Variants in GRHL3 observed in about 807,000 individuals in gnomAD.
GRHL3 encodes the protein grainyhead-like protein 3 homolog.
Under a neutral mutation model 70.3 loss-of-function variants are expected in GRHL3, and 20 were observed. That is an observed-to-expected ratio of 0.28 (90% CI 0.20 to 0.41). The LOEUF (loss-of-function observed/expected upper bound fraction) is 0.41, where lower values mean the gene tolerates loss of function less well. Among genes scored for constraint, GRHL3 ranks in the 10% least tolerant of loss-of-function variants. GRHL3 has a pLI of 1.00. For missense variants in GRHL3, 637 were observed against 762.3 expected, an observed-to-expected ratio of 0.84 and a Z score of 1.94; for synonymous variants, 299 against 299.9, an observed-to-expected ratio of 1.00 and a Z score of 0.03.
At chr1:24,325,759 G>A (rs1022357459) in intron 1 of GRHL3, among the ~76,000 whole-genome samples, 1 of 151,800 alleles carries the variant, frequency 6.6e-6, no homozygotes, top group East Asian at 2.0e-4. Context: ...CACTGGCCCC[G>A]GCAATTTGCA....
At chr1:24,331,101 C>T (rs113904710) in intron 1 of GRHL3, among the ~76,000 whole-genome samples, 57 of 152,224 alleles carry the variant, frequency 3.7e-4, no homozygotes, top group Admixed American at 8.5e-4. Context: ...ATTCATTACA[C>T]GAATTCTCTT....
At chr1:24,360,973 G>C (rs1569961621) in intron 15 of GRHL3, 2 of 1,613,970 alleles carry the variant, frequency 1.2e-6, no homozygotes, top group Non-Finnish European at 1.7e-6. Flanking sequence ...ATACTGACCA[G>C]GACCTGGGAA....
Position 24,334,847 on chromosome 1 carries a change from G to T in GRHL3, c.266+141G>T. ...AACACATTTTGGGATTCATGATAAT[G>T]TTTTCATTTATTTTAAAATTAAAAG... is the stretch of plus-strand genomic sequence containing the variant. On this transcript the variant is annotated intron_variant, in intron 3 of 15. Transcript: ENST00000361548. The surrounding 1 kb of genome is among the most constrained non-coding windows in gnomAD (Gnocchi z 4.3). The T allele has an allele frequency of 6.2e-6, 3 of 483,040 alleles. No individual in the cohort carries two copies. The highest frequency in any genetic ancestry group is 1.1e-5 in the Non-Finnish European group (3 of 276,042). 29.9% of individuals were successfully genotyped at this position (483,040 alleles called of 1,614,324 possible). A position where few individuals can be genotyped will look rare whatever the true frequency, so the allele number is the denominator to read the frequency against.
chr1:24,342,883 T>A lies in GRHL3; in HGVS notation c.1286-9T>A. 1.9e-6 allele frequency: 3 copies of A among 1,614,150 alleles called. No individual in the cohort carries two copies. Among genetic ancestry groups the A allele is most frequent in the Non-Finnish European group, 2.5e-6 (3 of 1,180,012 alleles). On this transcript the variant is annotated splice_polypyrimidine_tract_variant and intron_variant, in intron 10 of 15. Coordinates refer to ENST00000361548, the MANE Select transcript of GRHL3 (RefSeq NM_198173.3). The surrounding 1 kb of genome is among the most constrained non-coding windows in gnomAD (Gnocchi z 4.8). The stretch of plus-strand genomic sequence containing the variant: ...ACCTCGGGGCACATTGGCTTCCTTC[T>A]CCCATCAGGCGTCAAGGGCTGCCTG...
chr1:24,340,650 C>A (rs1639999673), intron 8 of GRHL3, among the ~76,000 whole-genome samples: 1 of 152,226 alleles, frequency 6.6e-6, no homozygotes, highest in African/African-American at 2.4e-5. Flanking sequence ...TCCAGCTCAT[C>A]TCAGGGGCAT....
intron 1 of GRHL3, among the ~76,000 whole-genome samples, chr1:24,330,840 T>C (rs1217556221): frequency 6.6e-6 from 1 of 152,256 alleles, no homozygotes; most frequent in Non-Finnish European, 1.5e-5. Context: ...CTCCAGTTCC[T>C]GGCTTCTGAG....
At chr1:24,338,408 G>A (rs1478672270) in intron 7 of GRHL3, among the ~76,000 whole-genome samples, 6 of 152,218 alleles carry the variant, frequency 3.9e-5, no homozygotes, top group African/African-American at 1.4e-4. Flanking sequence ...AAGATAAGGT[G>A]CAGGCAGCAG....
At chr1:24,319,645 G>A in intron 1 of GRHL3, 77 bp downstream of exon 1, 2 of 1,611,770 alleles carry the variant, frequency 1.2e-6, no homozygotes, top group South Asian at 1.1e-5. Flanking sequence ...GGGAAGAGCG[G>A]GGAGGCCGGC....
intron 1 of GRHL3, chr1:24,323,101 A>G: frequency 1.3e-6 from 2 of 1,542,312 alleles, no homozygotes; most frequent in Non-Finnish European, 1.8e-6. Flanking sequence ...GATGAATTCC[A>G]TTCTTCCTAT....
chr1:24,322,353 A>G lies in GRHL3; in HGVS notation c.17+2785A>G, dbSNP rs1639227718. On this transcript the variant is annotated intron_variant, in intron 1 of 15. Transcript: ENST00000361548. This position sits in a 1 kb window ranked among gnomAD's most constrained non-coding sequence, Gnocchi z 4.4. ...GCCGCCGCCGTTCTATCTGATCTCC[A>G]GGAGCGCCGGCTCCAGACTGCCTGG... is the stretch of plus-strand genomic sequence containing the variant. 6.6e-6 allele frequency among the ~76,000 whole-genome samples: 1 copy of G among 152,132 alleles called. No homozygotes were observed. The highest frequency in any genetic ancestry group is 1.5e-5 in the Non-Finnish European group (1 of 68,004).
chr1:24,345,409 AG>A (rs1429971527), intron 12 of GRHL3, among the ~76,000 whole-genome samples: 3 of 150,672 alleles, frequency 2.0e-5, no homozygotes, highest in Non-Finnish European at 4.4e-5. Flanking sequence ...GTGTGGGGCC[AG>A]AGGAGGAAGC....
At chr1:24,351,622 TC>T (rs987717309) in intron 15 of GRHL3, among the ~76,000 whole-genome samples, 1 of 100,004 alleles carries the variant, frequency 1.0e-5, no homozygotes, top group African/African-American at 3.9e-5. Context: ...GTGGCAGGCC[TC>T]CCTTACCAAT....
intron 7 of GRHL3, among the ~76,000 whole-genome samples, chr1:24,339,436 T>C (rs1318051403): frequency 1.3e-5 from 2 of 152,114 alleles, no homozygotes; most frequent in African/African-American, 4.8e-5. Flanking sequence ...CCTGCCACCA[T>C]GCCCAGCTAA....
At chr1:24,360,970 C>T (rs765501672) in intron 15 of GRHL3, 7 of 1,613,882 alleles carry the variant, frequency 4.3e-6, no homozygotes, top group South Asian at 3.3e-5. Context: ...CTCATACTGA[C>T]CAGGACCTGG....
chr1:24,332,657 A>G (rs115734817), intron 2 of GRHL3, among the ~76,000 whole-genome samples: 1 of 152,276 alleles, frequency 6.6e-6, no homozygotes, highest in African/African-American at 2.4e-5. Context: ...ACTTTCCTAG[A>G]TTGGGGGATG....
chr1:24,346,741 T>A, intron 13 of GRHL3, 100 bp downstream of exon 13: 1 of 870,140 alleles, frequency 1.1e-6, no homozygotes, highest in Non-Finnish European at 1.9e-6. Flanking sequence ...CACGAGGCGC[T>A]GCCTTACCCC....
In GRHL3 at chr1:24,334,601, C is replaced by A; in HGVS notation, c.205-44C>A. 1.3e-6 allele frequency: 2 copies of A among 1,531,704 alleles called. No individual in the cohort carries two copies. Among genetic ancestry groups the A allele is most frequent in the African/African-American group, 1.4e-5 (1 of 73,294 alleles). 94.9% of individuals were successfully genotyped at this position (1,531,704 alleles called of 1,614,324 possible). ...AGGAGGGGATTGAGGCTCCTACCAGCAGAAGCTTAGCCATGCATAAATCCT... is the reference window on the plus strand; with the variant it reads ...AGGAGGGGATTGAGGCTCCTACCAGAAGAAGCTTAGCCATGCATAAATCCT... On this transcript the variant is annotated intron_variant, in intron 2 of 15. Transcript: ENST00000361548. The surrounding 1 kb of genome is among the most constrained non-coding windows in gnomAD (Gnocchi z 4.3).
At chr1:24,328,274 A>T (rs1327105245) in intron 1 of GRHL3, among the ~76,000 whole-genome samples, 1 of 152,238 alleles carries the variant, frequency 6.6e-6, no homozygotes, top group East Asian at 1.9e-4. Context: ...TGAGCAGGTG[A>T]TGTCACCTAT....
chr1:24,337,879 G>C (rs1020415084), intron 6 of GRHL3, 90 bp downstream of exon 6: 40 of 1,577,510 alleles, frequency 2.5e-5, no homozygotes, highest in Middle Eastern at 1.7e-4. Flanking sequence ...GGGAAAGGCT[G>C]TTTGATAATA....
Sources: gnomAD v4.1 joint callset for allele counts (sites outside exome capture counted in the v4.1 genomes callset) on GRCh38, gnomAD v4.1.1 for gene constraint, Gnocchi (gnomAD v3.1) non-coding constraint, MANE v1.5 for transcripts, NCBI Gene and HGNC (gene_info 2026-07-23, HGNC 2026-07-21) for gene names.